CYFIP1: variants seen among roughly 807,000 people sequenced by gnomAD.
The protein encoded by CYFIP1 is cytoplasmic FMR1-interacting protein 1.
A neutral mutation model predicts 163.5 loss-of-function variants in CYFIP1; 58 were observed. The observed-to-expected ratio is 0.35, with a 90% CI of 0.29 to 0.44. The LOEUF (loss-of-function observed/expected upper bound fraction) is 0.44, where lower values mean the gene tolerates loss of function less well. Among genes scored for constraint, CYFIP1 ranks in the 20% least tolerant of loss-of-function variants. The pLI, the probability that CYFIP1 is intolerant of heterozygous loss-of-function variation, is 1.00. For missense variants in CYFIP1, 1,338 were observed against 1,653.8 expected, an observed-to-expected ratio of 0.81 and a Z score of 3.31; for synonymous variants, 663 against 660.7, an observed-to-expected ratio of 1.00 and a Z score of -0.05.
intron 3 of CYFIP1, among the ~76,000 whole-genome samples, chr15:22,946,037 G>C (rs2062047601): frequency 6.6e-6 from 1 of 152,140 alleles, no homozygotes; most frequent in South Asian, 2.1e-4. Flanking sequence ...AGGTGCAGTG[G>C]CTCAGGCTGT....
At chr15:22,969,366 C>T (rs1482468588) in intron 1 of CYFIP1, among the ~76,000 whole-genome samples, 1 of 152,156 alleles carries the variant, frequency 6.6e-6, no homozygotes, top group Non-Finnish European at 1.5e-5. Flanking sequence ...GGGGAGCGAC[C>T]AGGAAAACAA....
chr15:22,968,114 C>T (rs1332094136), intron 1 of CYFIP1, among the ~76,000 whole-genome samples: 3 of 151,754 alleles, frequency 2.0e-5, no homozygotes, highest in African/African-American at 4.8e-5. Flanking sequence ...CCAGCTTGGG[C>T]GACACAGCGA....
chr15:22,877,835 C>T lies in CYFIP1; in HGVS notation c.3042+2078G>A, dbSNP rs189282167. Reference sequence around the variant, plus strand: ...CTAGGCGTGCAGGCATAGAGGGAGCCGAAGATGCAGGTCTGATGGAGGCTG... The same window carrying T: ...CTAGGCGTGCAGGCATAGAGGGAGCTGAAGATGCAGGTCTGATGGAGGCTG... On this transcript the variant is annotated intron_variant, in intron 26 of 30. Transcript: ENST00000617928. Among the ~76,000 whole-genome samples, 304 of 152,336 alleles carry T rather than the reference C, an allele frequency of 2.0e-3. 1 individual carries two copies. Among genetic ancestry groups the T allele is most frequent in the South Asian group, 0.011 (54 of 4,830 alleles).
intron 9 of CYFIP1, among the ~76,000 whole-genome samples, chr15:22,936,276 G>T (rs943483014): frequency 6.6e-6 from 1 of 152,110 alleles, no homozygotes; most frequent in African/African-American, 2.4e-5. Flanking sequence ...AAACTCACTT[G>T]TGTCCAACAA....
chr15:22,964,353 TCACACACACACACACACACACA>T (rs71117466), intron 1 of CYFIP1, among the ~76,000 whole-genome samples: 7,796 of 78,796 alleles, frequency 0.099, 364 homozygotes, highest in East Asian at 0.17. Context: ...ACCTCATCAC[TCACACACACACACACACACACA>T]CACACACACA....
At chr15:22,947,466 G>C (rs1308160609) in intron 1 of CYFIP1, 175 bp from the exon 2 acceptor site, 6 of 834,092 alleles carry the variant, frequency 7.2e-6, no homozygotes, top group Admixed American at 2.9e-5. Context: ...AGGGCACGTG[G>C]GCCAGCAGGC....
At chr15:22,938,532 G>A (rs2061788447) in intron 8 of CYFIP1, among the ~76,000 whole-genome samples, 1 of 152,084 alleles carries the variant, frequency 6.6e-6, no homozygotes, top group African/African-American at 2.4e-5. Flanking sequence ...TTGAGCCAAG[G>A]AGGTCAAGGC....
intron 13 of CYFIP1, among the ~76,000 whole-genome samples, chr15:22,925,050 T>TACAACA (rs2061315005): frequency 6.6e-6 from 1 of 152,142 alleles, no homozygotes; most frequent in Non-Finnish European, 1.5e-5. Flanking sequence ...TTTTCACTGT[T>TACAACA]GTAGTGTTAT....
In CYFIP1 at chr15:22,878,165, A is replaced by G. The variant is rs118077897; in HGVS notation, c.3042+1748T>C. On this transcript the variant is annotated intron_variant, in intron 26 of 30. Transcript: ENST00000617928. Reference sequence around the variant, plus strand: ...AAGTGCCATTCCCATGCACAAGCCAATACGCTTCGCCAGGGTATGTGGTGA... The same window carrying G: ...AAGTGCCATTCCCATGCACAAGCCAGTACGCTTCGCCAGGGTATGTGGTGA... 8.8e-3 allele frequency among the ~76,000 whole-genome samples: 1,348 copies of G among 152,350 alleles called. 12 individuals carry two copies. The highest frequency in any genetic ancestry group is 0.015 in the Non-Finnish European group (988 of 68,024).
chr15:22,980,229 G>C, intron 1 of CYFIP1, 58 bp downstream of exon 1: 1 of 151,554 alleles, frequency 6.6e-6, no homozygotes, highest in Non-Finnish European at 1.5e-5. Flanking sequence ...CAGGTTCCGA[G>C]GGGGACCCGG....
intron 1 of CYFIP1, among the ~76,000 whole-genome samples, chr15:22,966,369 G>A (rs538419567): frequency 6.2e-5 from 7 of 112,796 alleles, no homozygotes; most frequent in African/African-American, 1.5e-4. Context: ...GCAAAACTCC[G>A]TCTCAAAAAA....
intron 1 of CYFIP1, among the ~76,000 whole-genome samples, chr15:22,965,129 G>A (rs909206847): frequency 6.6e-6 from 1 of 151,302 alleles, no homozygotes; most frequent in African/African-American, 2.4e-5. Flanking sequence ...TAGATTTTAC[G>A]TAAAAATACT....
chr15:22,915,478 C>G (rs1052291203), intron 16 of CYFIP1, among the ~76,000 whole-genome samples: 7 of 152,250 alleles, frequency 4.6e-5, no homozygotes, highest in African/African-American at 1.7e-4. Context: ...TGGCTGGGCA[C>G]AGTGGCTCAC....
intron 9 of CYFIP1, 63 bp downstream of exon 9, chr15:22,937,041 T>C: frequency 8.6e-7 from 1 of 1,168,864 alleles, no homozygotes; most frequent in Non-Finnish European, 1.3e-6. Context: ...AGGGGCTCAC[T>C]TCCCCAAAAT....
intron 1 of CYFIP1, among the ~76,000 whole-genome samples, chr15:22,977,153 C>T (rs1028451048): frequency 2.0e-5 from 3 of 151,288 alleles, no homozygotes; most frequent in Admixed American, 6.6e-5. Context: ...GGGCCGAGAT[C>T]GCACCATTGC....
chr15:22,959,456 G>A (rs970255092), intron 1 of CYFIP1, among the ~76,000 whole-genome samples: 1 of 152,228 alleles, frequency 6.6e-6, no homozygotes, highest in Non-Finnish European at 1.5e-5. Context: ...ACTGAGCCCA[G>A]AGGGACAGGG....
chr15:22,879,129 C>G lies in CYFIP1; in HGVS notation c.3042+784G>C, dbSNP rs1039212283. ...CCAGCCGGGGTGACAGAGCAAGACT[C>G]CGTCTCAAAAAAAAAAAAAAAGAAA... is the stretch of plus-strand genomic sequence containing the variant. On this transcript the variant is annotated intron_variant, in intron 26 of 30. Coordinates refer to ENST00000617928, the MANE Select transcript of CYFIP1 (RefSeq NM_014608.6). Among the ~76,000 whole-genome samples the G allele has an allele frequency of 4.0e-5, 5 of 125,382 alleles. No homozygotes were observed. The East Asian group carries it at 8.8e-4, about 22-fold the overall frequency. The allele number at this position is 125,382 out of a possible 152,430, so 82.3% of individuals were successfully genotyped here. A position where few individuals can be genotyped will look rare whatever the true frequency, so the allele number is the denominator to read the frequency against.
chr15:22,876,855 A>T (rs6606816), intron 26 of CYFIP1, among the ~76,000 whole-genome samples: 114,214 of 151,454 alleles, frequency 0.75, 43,327 homozygotes, highest in South Asian at 0.86. Flanking sequence ...AATGATGTAA[A>T]GAAAAGCTTT....
rs547652499 is a variant in CYFIP1, at chr15:22,923,623, C to T, written c.1359+2359G>A. On this transcript the variant is annotated intron_variant, in intron 13 of 30. Transcript: ENST00000617928. ...GCTATACAATCAAAAGAAATGAAAA[C>T]CAGCATCTACACAAAAACCCGCACA... 1.1e-4 allele frequency among the ~76,000 whole-genome samples: 16 copies of T among 152,074 alleles called. No individual in the cohort carries two copies. In the South Asian group the frequency reaches 3.3e-3, roughly 32 times the overall value.
Sources: gnomAD v4.1 joint callset for allele counts (sites outside exome capture counted in the v4.1 genomes callset) on GRCh38, gnomAD v4.1.1 for gene constraint, MANE v1.5 for transcripts, NCBI Gene and HGNC (gene_info 2026-07-23, HGNC 2026-07-21) for gene names.